RPS6KA5: variants seen among roughly 807,000 people sequenced by gnomAD.
RPS6KA5 encodes ribosomal protein S6 kinase alpha-5.
In RPS6KA5, 27 loss-of-function variants were observed where a neutral mutation model predicts 85.5. That is an observed-to-expected ratio of 0.32 (90% CI 0.23 to 0.44). RPS6KA5 has a LOEUF of 0.44. Ranked by LOEUF, RPS6KA5 falls within the 20% of genes least tolerant of loss-of-function variation. The probability of loss-of-function intolerance (pLI) is 1.00; values close to 1 mark genes in which losing one functional copy is unlikely to be tolerated. For synonymous variants in RPS6KA5, 334 were observed against 348.2 expected, an observed-to-expected ratio of 0.96 and a Z score of 0.46; for missense variants, 811 against 980.9, an observed-to-expected ratio of 0.83 and a Z score of 2.31.
At chr14:90,960,154 G>A (rs749728324) in intron 3 of RPS6KA5, among the ~76,000 whole-genome samples, 10 of 152,130 alleles carry the variant, frequency 6.6e-5, no homozygotes, top group South Asian at 2.1e-4. Flanking sequence ...AAAGTGAGAC[G>A]GAGCAAGGGA....
At position 90,900,145 on chromosome 14, in the gene RPS6KA5, T is replaced by C; in HGVS notation, c.1342A>G (p.Ser448Gly). 1.2e-5 allele frequency: 20 copies of C among 1,600,212 alleles called. No homozygotes were observed. Among genetic ancestry groups the C allele is most frequent in the Non-Finnish European group, 1.5e-5 (18 of 1,172,376 alleles). The change falls in exon 11 of 17, where the codon AGT becomes GGT. Residue 448 changes from serine to glycine, a missense_variant. Ser to Gly is a moderately conservative substitution (Grantham distance 56). Coordinates refer to ENST00000614987, the MANE Select transcript of RPS6KA5 (RefSeq NM_004755.4). Reference sequence around the variant, plus strand: ...ATTTTGACTGCAAAAGCTTGGTTACTTTTTTTATGCACACACTTTCGACAA... The same window carrying C: ...ATTTTGACTGCAAAAGCTTGGTTACCTTTTTTATGCACACACTTTCGACAA... The part of the protein sequence containing the change: ...SICRKCVHKK[S>G]NQAFAVKIIS...
chr14:90,960,758 C>T lies in RPS6KA5; in HGVS notation c.395-13208G>A, dbSNP rs185196284. The stretch of plus-strand genomic sequence containing the variant: ...TCCATTAGATTTCTGAAAATTCCTT[C>T]TCAAGTCTCTGTCATTTCTTCCACA... On this transcript the variant is annotated intron_variant, in intron 3 of 16. Transcript: ENST00000614987. 3.0e-4 allele frequency among the ~76,000 whole-genome samples: 45 copies of T among 152,248 alleles called. 1 individual carries two copies. The highest frequency in any genetic ancestry group is 1.8e-4 in the Non-Finnish European group (12 of 68,044).
At position 90,935,479 on chromosome 14, in the gene RPS6KA5, A is replaced by C. The variant is rs142008224; in HGVS notation, c.618+7599T>G. Among the ~76,000 whole-genome samples the C allele has an allele frequency of 2.1e-3, 321 of 152,342 alleles. 1 individual carries two copies. Among genetic ancestry groups the C allele is most frequent in the African/African-American group, 7.4e-3 (308 of 41,568 alleles). The stretch of plus-strand genomic sequence containing the variant: ...GATAATTCTATAAATTAGGTATGAT[A>C]AATATTATTTTACAGATGATGAAAT... On this transcript the variant is annotated intron_variant, in intron 5 of 16. Transcript: ENST00000614987.
chr14:91,013,115 G>T (rs2041329119), intron 1 of RPS6KA5, among the ~76,000 whole-genome samples: 1 of 152,062 alleles, frequency 6.6e-6, no homozygotes, highest in Non-Finnish European at 1.5e-5. Context: ...TTCATATAAG[G>T]AATTCTGGTG....
intron 14 of RPS6KA5, among the ~76,000 whole-genome samples, chr14:90,885,434 T>G (rs1354749281): frequency 6.8e-6 from 1 of 147,904 alleles, no homozygotes; most frequent in East Asian, 2.0e-4. Flanking sequence ...GCGCCTGTAG[T>G]CCCAGCTACT....
At chr14:90,955,761 G>A (rs2038470582) in intron 3 of RPS6KA5, among the ~76,000 whole-genome samples, 2 of 152,162 alleles carry the variant, frequency 1.3e-5, no homozygotes, top group South Asian at 4.1e-4. Flanking sequence ...GGTTTATTGT[G>A]TTGTTTGGGT....
intron 3 of RPS6KA5, among the ~76,000 whole-genome samples, chr14:90,963,106 A>G (rs1566798897): frequency 6.6e-6 from 1 of 152,170 alleles, no homozygotes; most frequent in South Asian, 2.1e-4. Flanking sequence ...ACATCTCTTT[A>G]GTCTGGAATC....
intron 5 of RPS6KA5, 142 bp from the exon 6 acceptor site, chr14:90,923,338 C>A: frequency 1.5e-6 from 1 of 655,482 alleles, no homozygotes; most frequent in Non-Finnish European, 2.7e-6. Flanking sequence ...CCACTCTTCA[C>A]TGGAACAGAC....
chr14:91,043,121 T>A (rs1296681160), intron 1 of RPS6KA5, among the ~76,000 whole-genome samples: 2 of 152,188 alleles, frequency 1.3e-5, no homozygotes, highest in Non-Finnish European at 2.9e-5. Flanking sequence ...CCCTAAAGCA[T>A]CTTTTCTCCT....
intron 16 of RPS6KA5, among the ~76,000 whole-genome samples, chr14:90,872,890 C>T (rs141239165): frequency 6.6e-6 from 1 of 152,336 alleles, no homozygotes; most frequent in East Asian, 1.9e-4. Context: ...GCTGCAGTTA[C>T]ACCTTGTAGT....
intron 1 of RPS6KA5, among the ~76,000 whole-genome samples, chr14:91,004,868 T>C (rs1474396838): frequency 6.6e-6 from 1 of 151,638 alleles, no homozygotes; most frequent in African/African-American, 2.4e-5. Context: ...CTCGGGAGGC[T>C]GAGGCAGGAG....
chr14:90,900,478 A>G, intron 10 of RPS6KA5, 133 bp downstream of exon 10: 2 of 864,096 alleles, frequency 2.3e-6, no homozygotes, highest in Non-Finnish European at 3.3e-6. Flanking sequence ...TTCTCTAGGG[A>G]AAATATTGCT....
chr14:90,922,653 T>C (rs1350878883), intron 6 of RPS6KA5, among the ~76,000 whole-genome samples: 1 of 152,230 alleles, frequency 6.6e-6, no homozygotes, highest in Non-Finnish European at 1.5e-5. Context: ...TTTGCCATGT[T>C]GGCCAGGTTG....
chr14:90,918,959 C>T (rs2036262235), intron 7 of RPS6KA5, among the ~76,000 whole-genome samples: 1 of 151,222 alleles, frequency 6.6e-6, no homozygotes, highest in African/African-American at 2.4e-5. Context: ...GAATTTTAGA[C>T]CCAGGTTGTC....
At chr14:90,882,682 T>C (rs942746234) in intron 14 of RPS6KA5, among the ~76,000 whole-genome samples, 24 of 152,274 alleles carry the variant, frequency 1.6e-4, no homozygotes, top group African/African-American at 3.9e-4. Context: ...GTTTTTTTTT[T>C]CCCTTTTAGT....
At chr14:91,043,105 G>A (rs2042666706) in intron 1 of RPS6KA5, among the ~76,000 whole-genome samples, 1 of 152,076 alleles carries the variant, frequency 6.6e-6, no homozygotes, top group Admixed American at 6.5e-5. Context: ...TTGATCCCCT[G>A]CCACCCCCTA....
At chr14:90,911,030 A>G (rs2035789882) in intron 7 of RPS6KA5, among the ~76,000 whole-genome samples, 1 of 152,304 alleles carries the variant, frequency 6.6e-6, no homozygotes, top group South Asian at 2.1e-4. Context: ...TCAACTTTTC[A>G]GAGAAGCTTG....
At chr14:90,966,903 T>C (rs1030636038) in intron 3 of RPS6KA5, among the ~76,000 whole-genome samples, 1 of 152,170 alleles carries the variant, frequency 6.6e-6, no homozygotes. Context: ...AGTAAGAACA[T>C]CTTTCTTGAT....
At chr14:90,940,315 T>C (rs2037499977) in intron 5 of RPS6KA5, among the ~76,000 whole-genome samples, 1 of 152,162 alleles carries the variant, frequency 6.6e-6, no homozygotes, top group African/African-American at 2.4e-5. Flanking sequence ...TATTTCATTT[T>C]TGCACCCAGA....
Sources: gnomAD v4.1 joint callset for allele counts (sites outside exome capture counted in the v4.1 genomes callset) on GRCh38, gnomAD v4.1.1 for gene constraint, MANE v1.5 for transcripts, NCBI Gene and HGNC (gene_info 2026-07-23, HGNC 2026-07-21) for gene names.